The following ITSN2 variants were observed in gnomAD, a reference collection of about 807,000 sequenced individuals.
The protein encoded by ITSN2 is intersectin 2.
A neutral mutation model predicts 243.7 loss-of-function variants in ITSN2; 156 were observed. That is an observed-to-expected ratio of 0.64 (90% CI 0.56 to 0.73). The LOEUF (loss-of-function observed/expected upper bound fraction) is 0.73, where lower values mean the gene tolerates loss of function less well. ITSN2 is among the 30% of genes least tolerant of loss of function. The pLI is 0.00. For missense variants in ITSN2, 1,801 were observed against 1,996.1 expected, an observed-to-expected ratio of 0.90 and a Z score of 1.86; for synonymous variants, 703 against 699.9, an observed-to-expected ratio of 1.00 and a Z score of -0.07.
At chr2:24,345,679 C>T (rs893019722) in intron 1 of ITSN2, among the ~76,000 whole-genome samples, 1 of 151,844 alleles carries the variant, frequency 6.6e-6, no homozygotes, top group East Asian at 2.0e-4. Context: ...GTGCTGTTAA[C>T]AACATGACCT....
intron 1 of ITSN2, among the ~76,000 whole-genome samples, chr2:24,348,019 T>C (rs1687704746): frequency 6.6e-6 from 1 of 151,874 alleles, no homozygotes; most frequent in South Asian, 2.1e-4. Context: ...GAGATTACAG[T>C]GAGCTATGAA....
intron 15 of ITSN2, among the ~76,000 whole-genome samples, chr2:24,292,484 T>C (rs1437976069): frequency 6.6e-6 from 1 of 152,144 alleles, no homozygotes; most frequent in Admixed American, 6.5e-5. Flanking sequence ...AGCAGGGACA[T>C]GGATAGACCA....
intron 1 of ITSN2, among the ~76,000 whole-genome samples, chr2:24,331,402 A>G (rs1685767310): frequency 1.3e-5 from 2 of 151,232 alleles, no homozygotes; most frequent in Non-Finnish European, 2.9e-5. Context: ...CTATGTTGTT[A>G]GCACACAGAA....
chr2:24,215,249 A>G (rs1226974430), intron 32 of ITSN2, among the ~76,000 whole-genome samples: 1 of 152,252 alleles, frequency 6.6e-6, no homozygotes, highest in East Asian at 1.9e-4. Context: ...GATCACAGAT[A>G]TGCATTTTAT....
chr2:24,317,999 G>C (rs984270306), intron 2 of ITSN2, among the ~76,000 whole-genome samples: 10 of 152,186 alleles, frequency 6.6e-5, no homozygotes, highest in Non-Finnish European at 1.2e-4. Flanking sequence ...AGATTGAGCA[G>C]AAGGTACAAA....
At chr2:24,223,915 C>A (rs1016028473) in intron 29 of ITSN2, among the ~76,000 whole-genome samples, 19 of 151,794 alleles carry the variant, frequency 1.3e-4, no homozygotes, top group Admixed American at 4.6e-4. Flanking sequence ...AGAAATAAAT[C>A]ATAATGCCAC....
intron 16 of ITSN2, 146 bp from the exon 17 acceptor site, chr2:24,284,989 C>T (rs1278687744): frequency 2.4e-5 from 12 of 490,428 alleles, no homozygotes; most frequent in Admixed American, 1.4e-4. Flanking sequence ...CTCCACCTCC[C>T]GGGTTCAAGC....
At chr2:24,246,447 C>G (rs1370151005) in intron 28 of ITSN2, 127 bp from the exon 29 acceptor site, 5 of 538,618 alleles carry the variant, frequency 9.3e-6, no homozygotes, top group Admixed American at 3.8e-5. Flanking sequence ...TAAAATTTCC[C>G]TTGAACTGCT....
At chr2:24,240,576 G>C (rs34216622) in intron 29 of ITSN2, 29,298 of 152,140 alleles carry the variant, frequency 0.19, 3,271 homozygotes, top group Non-Finnish European at 0.26. Flanking sequence ...GCATCATAAA[G>C]TTATGATTTA....
chr2:24,284,726 TA>T, intron 17 of ITSN2, 36 bp downstream of exon 17: 1 of 1,210,582 alleles, frequency 8.3e-7, no homozygotes, highest in Non-Finnish European at 1.2e-6. Flanking sequence ...AACAGCAAAG[TA>T]ACTCAAAGAA....
chr2:24,268,831 C>T (rs977904285), intron 20 of ITSN2, among the ~76,000 whole-genome samples: 8 of 151,746 alleles, frequency 5.3e-5, no homozygotes, highest in Non-Finnish European at 1.0e-4. Context: ...CTTTCAAAGC[C>T]AAGCTCATTC....
rs1370689584 is a variant in ITSN2, at chr2:24,360,342, AC to A, written c.-73del. 3.9e-5 allele frequency: 6 copies of A among 152,182 alleles called. No individual in the cohort carries two copies. Among genetic ancestry groups the A allele is most frequent in the Admixed American group, 2.0e-4 (3 of 15,270 alleles). The allele number at this position is 152,182 out of a possible 1,614,324, so 9.4% of individuals were successfully genotyped here. ...CGCGCCTCCCGCTCGTCACAGCGCG[AC>A]TCCGCGTCCCTCAGCACCGGCAGCC... is the stretch of plus-strand genomic sequence containing the variant. On this transcript the variant is annotated 5_prime_UTR_variant, in exon 1 of 40. Coordinates refer to ENST00000355123, the MANE Select transcript of ITSN2 (RefSeq NM_006277.3).
At chr2:24,224,144 C>T (rs2151167354) in intron 29 of ITSN2, among the ~76,000 whole-genome samples, 1 of 152,190 alleles carries the variant, frequency 6.6e-6, no homozygotes, top group East Asian at 1.9e-4. Flanking sequence ...CTCGGTGTGG[C>T]CAGGTGATTG....
intron 29 of ITSN2, among the ~76,000 whole-genome samples, chr2:24,223,686 A>C (rs78969715): frequency 6.7e-6 from 1 of 149,170 alleles, no homozygotes. Context: ...CCTGTTTCAA[A>C]AAAAAAAAAA....
intron 29 of ITSN2, among the ~76,000 whole-genome samples, chr2:24,236,940 C>A (rs1351382302): frequency 6.6e-6 from 1 of 151,868 alleles, no homozygotes; most frequent in Non-Finnish European, 1.5e-5. Flanking sequence ...AGGTAATCAC[C>A]CACCTTGGCC....
chr2:24,209,787 C>T (rs1239782184), intron 35 of ITSN2, 31 bp downstream of exon 35: 3 of 1,573,162 alleles, frequency 1.9e-6, no homozygotes, highest in Non-Finnish European at 8.7e-7. Context: ...CATTAGGCCC[C>T]TGATGCTACC....
chr2:24,339,769 G>A (rs1019457326), intron 1 of ITSN2, among the ~76,000 whole-genome samples: 1 of 152,118 alleles, frequency 6.6e-6, no homozygotes, highest in Non-Finnish European at 1.5e-5. Flanking sequence ...GCTCATGCCT[G>A]CAATCCCAGC....
chr2:24,260,420 A>G (rs537180762), intron 22 of ITSN2, among the ~76,000 whole-genome samples: 2 of 151,860 alleles, frequency 1.3e-5, no homozygotes, highest in Non-Finnish European at 2.9e-5. Flanking sequence ...ATCAGAGGCT[A>G]AATATACGTT....
intron 17 of ITSN2, among the ~76,000 whole-genome samples, chr2:24,276,787 G>A (rs1293367954): frequency 6.6e-6 from 1 of 152,214 alleles, no homozygotes; most frequent in Non-Finnish European, 1.5e-5. Flanking sequence ...AAGGACATAA[G>A]CATAATCCAA....
Sources: allele counts gnomAD v4.1 joint callset (sites outside exome capture counted in the v4.1 genomes callset), GRCh38; gene constraint gnomAD v4.1.1; transcripts MANE v1.5; gene names NCBI Gene and HGNC (gene_info 2026-07-23, HGNC 2026-07-21).